The following WDR11 variants were observed in gnomAD, a reference collection of about 807,000 sequenced individuals.
WDR11 encodes the protein WD repeat domain 11, also known as WD repeat-containing protein 11.
In WDR11, 83 loss-of-function variants were observed where a neutral mutation model predicts 151.2. That is an observed-to-expected ratio of 0.55 (90% confidence interval 0.46 to 0.66). The LOEUF is 0.66. Ranked by LOEUF, WDR11 falls within the 30% of genes least tolerant of loss-of-function variation. The probability of loss-of-function intolerance (pLI) is 0.00; values close to 1 mark genes in which losing one functional copy is unlikely to be tolerated. For missense variants in WDR11, 1,301 were observed against 1,480.9 expected, an observed-to-expected ratio of 0.88 and a Z score of 1.99; for synonymous variants, 484 against 533.1, an observed-to-expected ratio of 0.91 and a Z score of 1.27.
chr10:120,882,191 A>G (rs1350185319), intron 13 of WDR11, among the ~76,000 whole-genome samples: 1 of 152,126 alleles, frequency 6.6e-6, no homozygotes, highest in Non-Finnish European at 1.5e-5. Flanking sequence ...ATGTTAAGCC[A>G]ACATGACATT....
intron 3 of WDR11, 26 bp downstream of exon 3, chr10:120,858,822 G>A: frequency 6.2e-7 from 1 of 1,613,988 alleles, no homozygotes; most frequent in African/African-American, 1.3e-5. Context: ...TCAGCTAAGT[G>A]TGTATATTGA....
rs1444800363 is a variant in WDR11, at chr10:120,852,583, T to C, written c.146T>C (p.Ile49Thr). 6.2e-7 allele frequency: 1 copy of C among 1,614,084 alleles called. No individual in the cohort carries two copies. Among genetic ancestry groups the C allele is most frequent in the Non-Finnish European group, 8.5e-7 (1 of 1,179,982 alleles). Reference sequence around the variant, plus strand: ...TCACTTGTGGTAGTGATTGATTCCATTACTGCCCAAACTCTTCAAGTTTTA... The same window carrying C: ...TCACTTGTGGTAGTGATTGATTCCACTACTGCCCAAACTCTTCAAGTTTTA... ...CHSLVVVIDS[I>T]TAQTLQVLEK... The change falls in exon 2 of 29, where the codon ATT becomes ACT. Residue 49 changes from isoleucine (I) to threonine (T), a missense_variant. Ile to Thr is a moderately conservative substitution (Grantham distance 89). This residue lies in a region of WDR11 where 692 missense variants were observed against 762.5 expected (regional missense o/e 0.91). Coordinates refer to ENST00000263461, the MANE Select transcript of WDR11 (RefSeq NM_018117.12).
chr10:120,873,711 C>T (rs1846629429), intron 10 of WDR11, 128 bp from the exon 11 acceptor site: 1 of 719,394 alleles, frequency 1.4e-6, no homozygotes, highest in South Asian at 1.5e-5. Context: ...TTTGTTTAAA[C>T]ACATAGTTTG....
intron 5 of WDR11, among the ~76,000 whole-genome samples, chr10:120,864,456 A>G (rs1846245041): frequency 1.3e-5 from 2 of 152,176 alleles, no homozygotes; most frequent in Admixed American, 1.3e-4. Flanking sequence ...GACCCTAACA[A>G]TCTCTTAAAA....
At chr10:120,884,741 G>A (rs1847155861) in intron 14 of WDR11, among the ~76,000 whole-genome samples, 1 of 152,092 alleles carries the variant, frequency 6.6e-6, no homozygotes, top group African/African-American at 2.4e-5. Context: ...AGAAACTCCT[G>A]CAAGTCAACA....
rs775506715 is a variant in WDR11 at position 120,878,388 on chromosome 10, C to A, written c.1592C>A (p.Ser531Tyr). 6.2e-7 allele frequency: 1 copy of A among 1,613,034 alleles called. No homozygotes were observed. The highest frequency in any genetic ancestry group is 8.5e-7 in the Non-Finnish European group (1 of 1,179,438). Residue 531 changes from serine to tyrosine, a missense_variant, in exon 12 of 29, where the codon TCT becomes TAT. Physicochemically the swap from Ser to Tyr is moderately radical, Grantham distance 144. This residue lies in a region of WDR11 where 692 missense variants were observed against 762.5 expected (regional missense o/e 0.91). Coordinates refer to ENST00000263461, the MANE Select transcript of WDR11 (RefSeq NM_018117.12). ...TGGACAAGTTTGACTAGTTTTCTTT[C>A]TTTTGCTACCTCAACACCAAACAAT... Reference protein sequence around the residue: ...IEWTSLTSFLSFATSTPNNMG... With the variant: ...IEWTSLTSFLYFATSTPNNMG...
intron 14 of WDR11, among the ~76,000 whole-genome samples, chr10:120,885,276 T>TAC (rs1333475453): frequency 7.1e-4 from 66 of 92,828 alleles, no homozygotes; most frequent in African/African-American, 2.6e-3. Flanking sequence ...ATGAAGTATA[T>TAC]ATATATATAT....
At position 120,871,237 on chromosome 10, in the gene WDR11, C is replaced by G; in HGVS notation, c.1362C>G (p.Phe454Leu). 6.2e-7 allele frequency: 1 copy of G among 1,614,146 alleles called. No individual in the cohort carries two copies. Among genetic ancestry groups the G allele is most frequent in the Non-Finnish European group, 8.5e-7 (1 of 1,180,030 alleles). ...TTCTGCGGGAAGTGCACCTCAAGTT[C>G]CTGCTGACGGGACTGCTTTCAGGAC... Reference protein sequence around the residue: ...GSILREVHLKFLLTGLLSGLP... With the variant: ...GSILREVHLKLLLTGLLSGLP... The change falls in exon 10 of 29, where the codon TTC (phenylalanine) becomes TTG (leucine). Residue 454 changes from phenylalanine (F) to leucine (L), a missense_variant. Coordinates refer to ENST00000263461, the MANE Select transcript of WDR11 (RefSeq NM_018117.12).
intron 10 of WDR11, among the ~76,000 whole-genome samples, chr10:120,872,345 A>C (rs1433713923): frequency 6.6e-6 from 1 of 152,212 alleles, no homozygotes; most frequent in East Asian, 1.9e-4. Context: ...CACCACTAAT[A>C]GATTTTAATT....
At position 120,904,746 on chromosome 10, in the gene WDR11, C is replaced by T. The variant is rs2133816039; in HGVS notation, c.3128C>T (p.Ser1043Leu). The T allele has an allele frequency of 1.2e-6, 2 of 1,614,148 alleles. No individual in the cohort carries two copies. The highest frequency in any genetic ancestry group is 1.7e-6 in the Non-Finnish European group (2 of 1,180,032). The change falls in exon 25 of 29, where the codon TCA becomes TTA. Residue 1043 changes from serine to leucine, a missense_variant. By Grantham distance (145) the Ser-to-Leu change is moderately radical. This residue lies in a region of WDR11 where 589 missense variants were observed against 670.6 expected (regional missense o/e 0.88). Coordinates refer to ENST00000263461, the MANE Select transcript of WDR11 (RefSeq NM_018117.12). The stretch of plus-strand genomic sequence containing the variant: ...TGTTTAGTCACTACTGTCACCTCGT[C>T]AGGCCCCTCTCAGAGCACCATTAAG... ...KACLVTTVTS[S>L]GPSQSTIKLV...
intron 18 of WDR11, 37 bp downstream of exon 18, chr10:120,890,046 T>A (rs1847372562): frequency 7.0e-7 from 1 of 1,433,194 alleles, no homozygotes; most frequent in African/African-American, 1.4e-5. Flanking sequence ...GTAAATAAAT[T>A]GTTAGCCATA....
At chr10:120,859,014 G>A (rs1217050572) in intron 3 of WDR11, among the ~76,000 whole-genome samples, 1 of 152,022 alleles carries the variant, frequency 6.6e-6, no homozygotes, top group African/African-American at 2.4e-5. Context: ...TTGTGCTTTG[G>A]TAAAACTCAT....
chr10:120,892,626 A>G (rs953150050), intron 19 of WDR11, among the ~76,000 whole-genome samples: 3 of 152,204 alleles, frequency 2.0e-5, no homozygotes, highest in Admixed American at 1.3e-4. Context: ...ATAGGTCCTA[A>G]CATTGGTGTT....
intron 19 of WDR11, 118 bp from the exon 20 acceptor site, chr10:120,899,911 A>T: frequency 1.3e-6 from 1 of 793,338 alleles, no homozygotes; most frequent in Non-Finnish European, 2.1e-6. Flanking sequence ...ATATACTCTC[A>T]GTTGTTCCAG....
chr10:120,879,386 G>C (rs1227651808), intron 12 of WDR11: 1 of 152,086 alleles, frequency 6.6e-6, no homozygotes, highest in African/African-American at 2.4e-5. Flanking sequence ...CTCATTGGAA[G>C]TGACCTGTCC....
intron 4 of WDR11, among the ~76,000 whole-genome samples, chr10:120,861,788 G>A (rs1846149326): frequency 7.4e-6 from 1 of 135,794 alleles, no homozygotes; most frequent in South Asian, 2.4e-4. Context: ...CATTGTTGAG[G>A]GAGATTATTT....
intron 2 of WDR11, 90 bp downstream of exon 2, chr10:120,852,725 A>G: frequency 9.0e-7 from 1 of 1,115,936 alleles, no homozygotes; most frequent in Non-Finnish European, 1.3e-6. Context: ...TCTTACGTGT[A>G]AGTGTTGAAT....
At chr10:120,890,688 G>C in intron 18 of WDR11, 28 bp from the exon 19 acceptor site, 13 of 1,614,020 alleles carry the variant, frequency 8.1e-6, no homozygotes, top group Non-Finnish European at 1.1e-5. Context: ...TTTCTGTCTG[G>C]AAGTGATGCC....
chr10:120,884,606 C>CAAAA (rs34657107), intron 14 of WDR11, among the ~76,000 whole-genome samples: 1 of 126,146 alleles, frequency 7.9e-6, no homozygotes, highest in African/African-American at 3.0e-5. Flanking sequence ...AACCAAAAGG[C>CAAAA]AAAAAAAAAA....
Sources: gnomAD v4.1 joint callset for allele counts (sites outside exome capture counted in the v4.1 genomes callset) on GRCh38, gnomAD v4.1.1 for gene constraint, gnomAD v4.1.1 regional missense constraint, MANE v1.5 for transcripts, NCBI Gene and HGNC (gene_info 2026-07-23, HGNC 2026-07-21) for gene names.